Variants in FRS2 observed in about 807,000 individuals in gnomAD.
FRS2 encodes the protein fibroblast growth factor receptor substrate 2.
In FRS2, 8 loss-of-function variants were observed where a neutral mutation model predicts 43.9. The ratio of observed to expected loss-of-function variants is 0.18; its 90% confidence interval spans 0.11 to 0.33. The LOEUF (loss-of-function observed/expected upper bound fraction) is 0.33. Among genes scored for constraint, FRS2 ranks in the 10% least tolerant of loss-of-function variants. The pLI is 1.00. For synonymous variants in FRS2, 219 were observed against 220.3 expected (o/e 0.99, Z 0.05); for missense variants, 534 against 627.6 (o/e 0.85, Z 1.59).
At chr12:69,474,263 G>A (rs1870568134) in intron 1 of FRS2, among the ~76,000 whole-genome samples, 1 of 152,096 alleles carries the variant, frequency 6.6e-6, no homozygotes, top group South Asian at 2.1e-4. Context: ...CTTGCCAAAC[G>A]CTGGAAATGT....
At chr12:69,494,151 A>G (rs967110399) in intron 1 of FRS2, among the ~76,000 whole-genome samples, 1 of 152,206 alleles carries the variant, frequency 6.6e-6, no homozygotes, top group South Asian at 2.1e-4. Flanking sequence ...TTATTCGTCC[A>G]TTTGTGCTAG....
At chr12:69,522,944 A>T (rs553451983) in intron 1 of FRS2, among the ~76,000 whole-genome samples, 2 of 152,342 alleles carry the variant, frequency 1.3e-5, no homozygotes, top group East Asian at 3.8e-4. Context: ...GTGGTGCAGA[A>T]AGGTAGTTGG....
intron 1 of FRS2, among the ~76,000 whole-genome samples, chr12:69,508,492 G>A (rs1037025964): frequency 8.5e-5 from 13 of 152,078 alleles, no homozygotes; most frequent in Admixed American, 2.6e-4. Context: ...AGAATTAACA[G>A]AAATTAATAA....
At position 69,576,155 on chromosome 12, in the gene FRS2, G is replaced by C. The variant is rs1474502984; in HGVS notation, c.*1200G>C. 1 of 152,262 alleles carries C rather than the reference G, an allele frequency of 6.6e-6. No homozygotes were observed. Among genetic ancestry groups the C allele is most frequent in the Non-Finnish European group, 1.5e-5 (1 of 68,004 alleles). The allele number at this position is 152,262 out of a possible 1,614,324, so 9.4% of individuals were successfully genotyped here. On this transcript the variant is annotated 3_prime_UTR_variant, in exon 9 of 9. Transcript: ENST00000549921. ...TCAAGGTGTACCGTGTTGTCTCTGT[G>C]GGCACTCTTCCCCAGCACTTTAGCA...
chr12:69,576,102 GA>G lies in FRS2; in HGVS notation c.*1149del, dbSNP rs1240752957. 1.3e-5 allele frequency: 2 copies of G among 152,530 alleles called. No homozygotes were observed. Among genetic ancestry groups the G allele is most frequent in the African/African-American group, 2.4e-5 (1 of 41,404 alleles). The allele number at this position is 152,530 out of a possible 1,614,324, so 9.4% of individuals were successfully genotyped here. Reference sequence around the variant, plus strand: ...CTCTTTAGCAAACTGAGAAAAAAAGGAAGCTACTTTTAACATGCAAAGTTCC... The same window carrying G: ...CTCTTTAGCAAACTGAGAAAAAAAGGAGCTACTTTTAACATGCAAAGTTCC... On this transcript the variant is annotated 3_prime_UTR_variant, in exon 9 of 9. Coordinates refer to ENST00000549921, the MANE Select transcript of FRS2 (RefSeq NM_001278356.2).
chr12:69,556,053 C>A (rs1051583888), intron 3 of FRS2, among the ~76,000 whole-genome samples: 7 of 150,558 alleles, frequency 4.6e-5, no homozygotes, highest in African/African-American at 1.5e-4. Context: ...TTCATGTGCA[C>A]ATAGTCAATA....
At chr12:69,510,543 G>T (rs558540542) in intron 1 of FRS2, among the ~76,000 whole-genome samples, 29 of 152,084 alleles carry the variant, frequency 1.9e-4, no homozygotes, top group Admixed American at 9.8e-4. Context: ...TCTGGCAAGC[G>T]TATTGTCATT....
At chr12:69,507,753 G>T (rs776074915) in intron 1 of FRS2, among the ~76,000 whole-genome samples, 1 of 152,058 alleles carries the variant, frequency 6.6e-6, no homozygotes, top group African/African-American at 2.4e-5. Flanking sequence ...AGCCGGGCCC[G>T]GTGGCTCACG....
chr12:69,557,258 A>T (rs1306714971), intron 3 of FRS2, among the ~76,000 whole-genome samples: 1 of 152,220 alleles, frequency 6.6e-6, no homozygotes, highest in Non-Finnish European at 1.5e-5. Flanking sequence ...ATACATAGAA[A>T]TTATCACTGA....
intron 4 of FRS2, 27 bp downstream of exon 4, chr12:69,562,301 C>T: frequency 2.5e-6 from 1 of 398,178 alleles, no homozygotes; most frequent in Non-Finnish European, 4.4e-6. Flanking sequence ...TTATGTTTTA[C>T]ATCACTAAGC....
chr12:69,534,628 G>C (rs998579135), intron 3 of FRS2, among the ~76,000 whole-genome samples: 1 of 152,168 alleles, frequency 6.6e-6, no homozygotes, highest in African/African-American at 2.4e-5. Context: ...GCAAGTTCTC[G>C]ATGTGTGAGC....
chr12:69,556,874 A>G (rs1879402195), intron 3 of FRS2, among the ~76,000 whole-genome samples: 1 of 152,240 alleles, frequency 6.6e-6, no homozygotes. Flanking sequence ...TAGGTATACC[A>G]TATTAAGGAA....
chr12:69,510,272 G>A (rs1874332626), intron 1 of FRS2, among the ~76,000 whole-genome samples: 1 of 152,222 alleles, frequency 6.6e-6, no homozygotes, highest in African/African-American at 2.4e-5. Flanking sequence ...TCCTTTCTGT[G>A]CAACTTCTCT....
At chr12:69,473,561 A>T (rs1220985863) in intron 1 of FRS2, among the ~76,000 whole-genome samples, 2 of 152,220 alleles carry the variant, frequency 1.3e-5, no homozygotes, top group Non-Finnish European at 2.9e-5. Context: ...TTGAATTTTA[A>T]GTGGGGGCAG....
intron 1 of FRS2, among the ~76,000 whole-genome samples, chr12:69,483,698 A>G (rs901975897): frequency 5.3e-5 from 8 of 152,356 alleles, no homozygotes; most frequent in Admixed American, 5.2e-4. Flanking sequence ...AAATATAAAA[A>G]AATAAATTAA....
intron 1 of FRS2, among the ~76,000 whole-genome samples, chr12:69,475,920 TGGGCG>T (rs1424170022): frequency 1.3e-5 from 2 of 152,248 alleles, no homozygotes. Context: ...CCATTTTCGA[TGGGCG>T]CTTAGTTCTT....
intron 4 of FRS2, among the ~76,000 whole-genome samples, chr12:69,563,384 TG>T (rs1337302158): frequency 1.4e-4 from 22 of 152,252 alleles, no homozygotes; most frequent in Non-Finnish European, 2.2e-4. Flanking sequence ...ATGCTAAGCC[TG>T]TTCTTTAGCC....
intron 3 of FRS2, among the ~76,000 whole-genome samples, chr12:69,555,627 C>G (rs1879272295): frequency 6.6e-6 from 1 of 152,168 alleles, no homozygotes; most frequent in Non-Finnish European, 1.5e-5. Flanking sequence ...TGCGAAATTT[C>G]CATATACAAA....
chr12:69,554,130 A>G (rs1164289505), intron 3 of FRS2, among the ~76,000 whole-genome samples: 1 of 152,140 alleles, frequency 6.6e-6, no homozygotes, highest in Non-Finnish European at 1.5e-5. Flanking sequence ...CGTGTTTTGT[A>G]TGTAGTCTGC....
Sources: allele counts gnomAD v4.1 joint callset (sites outside exome capture counted in the v4.1 genomes callset), GRCh38; gene constraint gnomAD v4.1.1; transcripts MANE v1.5; gene names NCBI Gene and HGNC (gene_info 2026-07-23, HGNC 2026-07-21).